Variants in KCNAB1 observed in about 807,000 individuals in gnomAD.
KCNAB1 encodes the protein potassium voltage-gated channel subfamily A regulatory beta subunit 1, also known as voltage-gated potassium channel subunit beta-1.
KCNAB1 carries 35 observed loss-of-function variants against 64.6 expected under a neutral mutation model. The observed-to-expected ratio is 0.54, with a 90% CI of 0.41 to 0.72. The LOEUF (loss-of-function observed/expected upper bound fraction) is 0.72. Among genes scored for constraint, KCNAB1 ranks in the 30% least tolerant of loss-of-function variants. The pLI is 0.00. For missense variants in KCNAB1, 401 were observed against 512.9 expected (o/e 0.78, Z 2.11); for synonymous variants, 177 against 183.8 (o/e 0.96, Z 0.30).
chr3:156,534,424 A>G (rs1377435522), intron 13 of KCNAB1, among the ~76,000 whole-genome samples: 1 of 151,986 alleles, frequency 6.6e-6, no homozygotes, highest in Non-Finnish European at 1.5e-5. Context: ...CTCCCACCTA[A>G]AAGGTGGGAG....
At chr3:156,138,918 T>C (rs6761966) in intron 1 of KCNAB1, among the ~76,000 whole-genome samples, 106,807 of 152,088 alleles carry the variant, frequency 0.7, 37,840 homozygotes, top group Admixed American at 0.78. Flanking sequence ...CCTCCCGTGC[T>C]CCATCAGCAG....
At chr3:156,271,675 C>A (rs1719046699) in intron 1 of KCNAB1, among the ~76,000 whole-genome samples, 1 of 152,246 alleles carries the variant, frequency 6.6e-6, no homozygotes, top group Non-Finnish European at 1.5e-5. Context: ...ATCTGTCTCT[C>A]TCCAGGATTG....
chr3:156,243,292 T>C (rs1265101982), intron 1 of KCNAB1, among the ~76,000 whole-genome samples: 5 of 152,078 alleles, frequency 3.3e-5, no homozygotes, highest in South Asian at 2.1e-4. Context: ...TGGCACAATC[T>C]CGGCTCACTG....
chr3:156,514,022 C>T (rs1717393126), intron 8 of KCNAB1, among the ~76,000 whole-genome samples: 1 of 152,150 alleles, frequency 6.6e-6, no homozygotes, highest in Non-Finnish European at 1.5e-5. Flanking sequence ...CGGGAAGGTA[C>T]TCAGGCTCTT....
At chr3:156,237,386 T>G (rs538613117) in intron 1 of KCNAB1, among the ~76,000 whole-genome samples, 1 of 152,354 alleles carries the variant, frequency 6.6e-6, no homozygotes, top group Admixed American at 6.5e-5. Flanking sequence ...CATCAGTAGC[T>G]TAATGTTAAT....
chr3:156,251,930 T>C (rs1264641854), intron 1 of KCNAB1, among the ~76,000 whole-genome samples: 1 of 152,256 alleles, frequency 6.6e-6, no homozygotes, highest in East Asian at 1.9e-4. Flanking sequence ...ATCAAGTGCC[T>C]ATAATTTTCA....
At chr3:156,435,720 G>C (rs1176006868) in intron 2 of KCNAB1, among the ~76,000 whole-genome samples, 1 of 152,094 alleles carries the variant, frequency 6.6e-6, no homozygotes, top group Non-Finnish European at 1.5e-5. Context: ...ATCTGCAAGA[G>C]TGAGATTCTA....
chr3:156,505,164 A>G (rs1398792407), intron 8 of KCNAB1, among the ~76,000 whole-genome samples: 1 of 152,158 alleles, frequency 6.6e-6, no homozygotes, highest in East Asian at 1.9e-4. Flanking sequence ...ATTGAAGAGA[A>G]TTCCCTTTCC....
chr3:156,465,282 A>G (rs1224849229), intron 6 of KCNAB1, among the ~76,000 whole-genome samples: 1 of 152,238 alleles, frequency 6.6e-6, no homozygotes, highest in Non-Finnish European at 1.5e-5. Context: ...ATCTTACAAT[A>G]AACTCACAAA....
intron 8 of KCNAB1, among the ~76,000 whole-genome samples, chr3:156,480,859 C>T (rs145316914): frequency 7.4e-4 from 112 of 152,142 alleles, no homozygotes; most frequent in African/African-American, 2.4e-3. Flanking sequence ...CTGACAGAGC[C>T]GCAGACACAT....
At chr3:156,472,719 A>G (rs1057237663) in intron 7 of KCNAB1, among the ~76,000 whole-genome samples, 9 of 152,212 alleles carry the variant, frequency 5.9e-5, no homozygotes, top group African/African-American at 2.2e-4. Context: ...CCAGGTACAT[A>G]TTACGACCTT....
At chr3:156,389,056 A>C (rs969551526) in intron 1 of KCNAB1, among the ~76,000 whole-genome samples, 3 of 152,188 alleles carry the variant, frequency 2.0e-5, no homozygotes, top group African/African-American at 7.2e-5. Context: ...CATGTCTAGT[A>C]AGTCAATTCT....
At chr3:156,302,818 A>G (rs999349949) in intron 1 of KCNAB1, among the ~76,000 whole-genome samples, 1 of 152,232 alleles carries the variant, frequency 6.6e-6, no homozygotes, top group South Asian at 2.1e-4. Flanking sequence ...GGACAGCCAC[A>G]AAGACCAAGC....
intron 13 of KCNAB1, among the ~76,000 whole-genome samples, chr3:156,532,985 G>A (rs1718805115): frequency 6.6e-6 from 1 of 152,202 alleles, no homozygotes; most frequent in African/African-American, 2.4e-5. Flanking sequence ...CTCATGTGCT[G>A]GCTGAGAAAC....
intron 1 of KCNAB1, among the ~76,000 whole-genome samples, chr3:156,386,319 C>T (rs1191833340): frequency 6.6e-6 from 1 of 152,170 alleles, no homozygotes; most frequent in Non-Finnish European, 1.5e-5. Flanking sequence ...CAGTGCCCTC[C>T]TTGCCATTGA....
chr3:156,126,810 G>T (rs1368190991), intron 1 of KCNAB1, among the ~76,000 whole-genome samples: 3 of 151,084 alleles, frequency 2.0e-5, no homozygotes, highest in African/African-American at 4.9e-5. Context: ...AATACCTTAG[G>T]GTTGTTACGG....
chr3:156,400,480 T>C (rs1311158785), intron 1 of KCNAB1, among the ~76,000 whole-genome samples: 1 of 152,248 alleles, frequency 6.6e-6, no homozygotes, highest in Non-Finnish European at 1.5e-5. Flanking sequence ...TGTCAGTATC[T>C]TTCTGAAATG....
intron 8 of KCNAB1, among the ~76,000 whole-genome samples, chr3:156,511,244 C>T (rs996987940): frequency 6.6e-6 from 1 of 152,060 alleles, no homozygotes; most frequent in Non-Finnish European, 1.5e-5. Flanking sequence ...GCTGGGACTA[C>T]AGGCACCCGC....
At position 156,136,022 on chromosome 3, in the gene KCNAB1, C is replaced by T. The variant is rs193113225; in HGVS notation, c.275+15136C>T. ...CCCCATCCATTTTGTACTCATGCAG[C>T]CCATAACATTGAAGTCCCCTGAAAA... On this transcript the variant is annotated intron_variant, in intron 1 of 13. Transcript: ENST00000490337. Among the ~76,000 whole-genome samples, 73 of 152,298 alleles carry T rather than the reference C, an allele frequency of 4.8e-4. No individual in the cohort carries two copies. The East Asian group carries it at 0.011, about 23-fold the overall frequency.
Sources: allele counts gnomAD v4.1 joint callset (sites outside exome capture counted in the v4.1 genomes callset), GRCh38; gene constraint gnomAD v4.1.1; transcripts MANE v1.5; gene names NCBI Gene and HGNC (gene_info 2026-07-23, HGNC 2026-07-21).